Variants in DMD observed in about 807,000 individuals in gnomAD.
DMD encodes the protein dystrophin, also known as mutant dystrophin.
In DMD, 63 loss-of-function variants were observed where a neutral mutation model predicts 330.1. The ratio of observed to expected loss-of-function variants is 0.19; its 90% CI spans 0.16 to 0.24. The LOEUF is 0.24. DMD is among the 10% of genes least tolerant of loss of function. The probability of loss-of-function intolerance (pLI) is 1.00; values close to 1 mark genes in which losing one functional copy is unlikely to be tolerated. For missense variants in DMD, 3,344 were observed against 2,684.1 expected (o/e 1.25, Z -5.43); for synonymous variants, 1,223 against 959.8 (o/e 1.27, Z -5.07).
intron 44 of DMD, among the ~76,000 whole-genome samples, chrX:32,151,766 C>T (rs1006943143): frequency 9.0e-6 from 1 of 111,692 alleles, no homozygotes; most frequent in Non-Finnish European, 1.9e-5. Flanking sequence ...TTTTACTTAT[C>T]CTCATCTATT....
intron 43 of DMD, among the ~76,000 whole-genome samples, chrX:32,246,847 T>C (rs2097240769): frequency 9.0e-6 from 1 of 111,162 alleles, no homozygotes; most frequent in African/African-American, 3.3e-5. Context: ...CCTGAAATCA[T>C]GGCTCACAAC....
At chrX:32,152,381 T>G (rs1161103490) in intron 44 of DMD, among the ~76,000 whole-genome samples, 2 of 111,878 alleles carry the variant, frequency 1.8e-5, no homozygotes, top group Non-Finnish European at 3.8e-5. Context: ...TTTATATGAA[T>G]ATACTGATCT....
chrX:31,299,774 TAA>T (rs35813284), intron 62 of DMD, among the ~76,000 whole-genome samples: 59 of 56,900 alleles, frequency 1.0e-3, no homozygotes, highest in Middle Eastern at 0.013. Context: ...GACTCCGTCT[TAA>T]AAAAAAAAAA....
At chrX:31,384,120 C>A (rs1175279684) in intron 60 of DMD, among the ~76,000 whole-genome samples, 1 of 111,522 alleles carries the variant, frequency 9.0e-6, no homozygotes, top group African/African-American at 3.3e-5. Context: ...ATGGGGCCCA[C>A]ACAGAGTTTT....
intron 44 of DMD, among the ~76,000 whole-genome samples, chrX:32,138,731 T>C (rs909946299): frequency 9.0e-6 from 1 of 111,366 alleles, no homozygotes; most frequent in Admixed American, 9.6e-5. Flanking sequence ...AGAGGCAGAG[T>C]TGGAATTCTG....
chrX:31,480,722 T>C (rs2068214109), intron 57 of DMD, among the ~76,000 whole-genome samples: 2 of 110,973 alleles, frequency 1.8e-5, no homozygotes, highest in African/African-American at 6.5e-5. Flanking sequence ...CATTACTAAT[T>C]ATAAAAATAA....
intron 63 of DMD, among the ~76,000 whole-genome samples, chrX:31,256,993 T>C (rs1259459358): frequency 9.1e-6 from 1 of 109,699 alleles, no homozygotes; most frequent in South Asian, 4.0e-4. Flanking sequence ...TCTCAAGCAA[T>C]ATTATAGCTT....
chrX:32,480,419 T>C (rs1316941828), intron 21 of DMD, among the ~76,000 whole-genome samples: 1 of 108,585 alleles, frequency 9.2e-6, no homozygotes, highest in Non-Finnish European at 1.9e-5. Context: ...TACATGTGTA[T>C]ATACACAGTA....
In DMD at chrX:32,574,667, A is replaced by T. The variant is rs898605371; in HGVS notation, c.1603-821T>A. Among the ~76,000 whole-genome samples the T allele has an allele frequency of 7.2e-5, 8 of 111,592 alleles. No homozygotes were observed. The East Asian group carries it at 1.1e-3, about 16-fold the overall frequency. On this transcript the variant is annotated intron_variant, in intron 13 of 78. Transcript: ENST00000357033. ...ATAAGAAACTTATTTTCTCATATAT[A>T]TATTGGACCTTTAAAGCTAGAAATC...
At chrX:33,009,887 CAT>C (rs1477625654) in intron 2 of DMD, among the ~76,000 whole-genome samples, 3 of 57,259 alleles carry the variant, frequency 5.2e-5, no homozygotes, top group Non-Finnish European at 9.1e-5. Flanking sequence ...TATATACACA[CAT>C]ATGTGTATAT....
At chrX:32,121,909 C>G (rs2096638204) in intron 44 of DMD, among the ~76,000 whole-genome samples, 1 of 109,025 alleles carries the variant, frequency 9.2e-6, no homozygotes. Flanking sequence ...TGATTTTTGT[C>G]CAACCACTAC....
intron 1 of DMD, among the ~76,000 whole-genome samples, chrX:33,060,941 T>C (rs1317173336): frequency 1.6e-4 from 18 of 112,224 alleles, no homozygotes; most frequent in African/African-American, 5.2e-4. Context: ...TAAACTAAGT[T>C]AAACAATTTT....
chrX:32,552,639 T>G (rs1205346424), intron 16 of DMD, among the ~76,000 whole-genome samples: 1 of 111,858 alleles, frequency 8.9e-6, no homozygotes. Context: ...ACAGACAACC[T>G]GCAGAATGGG....
In DMD at chrX:32,044,468, T is replaced by C. The variant is rs189882045; in HGVS notation, c.6439-75954A>G. On this transcript the variant is annotated intron_variant, in intron 44 of 78. Transcript: ENST00000357033. ...ATGAAGTCTCGCTCTGTCGCCCAGG[T>C]TGGAGTGCAGTGGCACGATCTCGGC... Among the ~76,000 whole-genome samples the C allele has an allele frequency of 4.9e-3, 536 of 110,308 alleles. 4 individuals carry two copies. Among genetic ancestry groups the C allele is most frequent in the African/African-American group, 0.016 (478 of 30,328 alleles).
At position 32,135,265 on chromosome X, in the gene DMD, T is replaced by C. The variant is rs890719612; in HGVS notation, c.6438+81651A>G. Among the ~76,000 whole-genome samples the C allele has an allele frequency of 8.0e-5, 9 of 112,727 alleles. No homozygotes were observed. The Admixed American group carries it at 8.4e-4, about 11-fold the overall frequency. On this transcript the variant is annotated intron_variant, in intron 44 of 78. Transcript: ENST00000357033. ...ATAAAAAAACTTTTATGGAAAGTTCTCTGAGACTAAAAGTGATTTACATGC... is the reference window on the plus strand; with the variant it reads ...ATAAAAAAACTTTTATGGAAAGTTCCCTGAGACTAAAAGTGATTTACATGC...
intron 55 of DMD, among the ~76,000 whole-genome samples, chrX:31,568,276 A>G (rs2075577350): frequency 9.0e-6 from 1 of 111,145 alleles, no homozygotes; most frequent in African/African-American, 3.3e-5. Flanking sequence ...ATTAGATCCT[A>G]TTGGTTGATG....
At chrX:31,376,398 G>C (rs891425352) in intron 60 of DMD, among the ~76,000 whole-genome samples, 1 of 111,902 alleles carries the variant, frequency 8.9e-6, no homozygotes, top group Non-Finnish European at 1.9e-5. Context: ...TTGGGGGTGA[G>C]TGTAATTACT....
intron 4 of DMD, among the ~76,000 whole-genome samples, chrX:32,832,430 T>G (rs903576590): frequency 9.0e-6 from 1 of 111,064 alleles, no homozygotes; most frequent in African/African-American, 3.3e-5. Context: ...GTTCTTTCAT[T>G]TCTTTTCATT....
At chrX:32,640,634 T>C (rs764679881) in intron 11 of DMD, among the ~76,000 whole-genome samples, 1 of 111,051 alleles carries the variant, frequency 9.0e-6, no homozygotes, top group East Asian at 2.8e-4. Context: ...AAATAGGAAC[T>C]AAAACTAAAC....
Sources: allele counts gnomAD v4.1 joint callset (sites outside exome capture counted in the v4.1 genomes callset), GRCh38; gene constraint gnomAD v4.1.1; transcripts MANE v1.5; gene names NCBI Gene and HGNC (gene_info 2026-07-23, HGNC 2026-07-21).